The following SULF1 variants were observed in gnomAD, a reference collection of about 807,000 sequenced individuals.
SULF1 encodes the protein sulfatase 1.
SULF1 carries 46 observed loss-of-function variants against 110.5 expected under a neutral mutation model. The observed-to-expected ratio is 0.42, with a 90% CI of 0.33 to 0.53. SULF1 has a LOEUF of 0.53. Among genes scored for constraint, SULF1 ranks in the 20% least tolerant of loss-of-function variants. The pLI, the probability that SULF1 is intolerant of heterozygous loss-of-function variation, is 0.12. For synonymous variants in SULF1, 371 were observed against 387.1 expected, an observed-to-expected ratio of 0.96 and a Z score of 0.49; for missense variants, 941 against 1,094.2, an observed-to-expected ratio of 0.86 and a Z score of 1.98.
At chr8:69,584,174 G>A (rs1806281609) in intron 6 of SULF1, among the ~76,000 whole-genome samples, 2 of 152,224 alleles carry the variant, frequency 1.3e-5, no homozygotes, top group African/African-American at 4.8e-5. Context: ...AGATTAACCA[G>A]TGGCAATCGA....
chr8:69,641,032 A>G (rs1811434875), intron 22 of SULF1, 191 bp downstream of exon 22: 4 of 470,182 alleles, frequency 8.5e-6, no homozygotes, highest in Non-Finnish European at 1.5e-5. Context: ...AAATCAGCTC[A>G]CTGTCCCATC....
chr8:69,574,535 C>T (rs150095350), intron 5 of SULF1, among the ~76,000 whole-genome samples: 478 of 152,284 alleles, frequency 3.1e-3, no homozygotes, highest in Non-Finnish European at 4.3e-3. Flanking sequence ...CACATTGTTA[C>T]GTGTGCATTG....
chr8:69,551,588 C>T (rs773090944), intron 3 of SULF1, among the ~76,000 whole-genome samples: 10 of 152,102 alleles, frequency 6.6e-5, no homozygotes, highest in Non-Finnish European at 8.8e-5. Flanking sequence ...AAATAATTGG[C>T]GATTATTTTG....
rs957456132 is a variant in SULF1, at chr8:69,638,523, C to A, written c.2306C>A (p.Thr769Lys). The A allele has an allele frequency of 6.2e-7, 1 of 1,612,462 alleles. No individual in the cohort carries two copies. The highest frequency in any genetic ancestry group is 1.1e-5 in the South Asian group (1 of 90,430). Reference protein sequence around the residue: ...FWNLGSFCACTSSNNNTYWCL... With the variant: ...FWNLGSFCACKSSNNNTYWCL... ...ACAGTGGGATCTTTCTGTGCTTGCA[C>A]GAGTTCTAACAATAACACCTACTGG... The change falls in exon 20 of 23, where the codon ACG becomes AAG. Residue 769 changes from threonine (T) to lysine (K), a missense_variant. By Grantham distance (78) the Thr-to-Lys change is moderately conservative (BLOSUM62 -1). Coordinates refer to ENST00000402687, the MANE Select transcript of SULF1 (RefSeq NM_001128205.2).
chr8:69,536,048 CAA>C (rs1455304376), intron 3 of SULF1, among the ~76,000 whole-genome samples: 1 of 151,912 alleles, frequency 6.6e-6, no homozygotes, highest in African/African-American at 2.4e-5. Flanking sequence ...TCCCTGCAAG[CAA>C]TCACCAGCAC....
intron 3 of SULF1, among the ~76,000 whole-genome samples, chr8:69,503,207 T>C (rs780544725): frequency 6.6e-6 from 1 of 152,202 alleles, no homozygotes; most frequent in Non-Finnish European, 1.5e-5. Context: ...GTGAAGAAAG[T>C]GAATGGTTCA....
In SULF1 at chr8:69,548,614, A is replaced by ATTTTT. The variant is rs3059933; in HGVS notation, c.-133-14911_-133-14907dup. 7.1e-3 allele frequency among the ~76,000 whole-genome samples: 862 copies of ATTTTT among 120,864 alleles called. 19 individuals are homozygous for ATTTTT. The highest frequency in any genetic ancestry group is 0.027 in the African/African-American group (828 of 30,710). The allele number at this position is 120,864 out of a possible 152,430, so 79.3% of individuals were successfully genotyped here. A position where few individuals can be genotyped will look rare whatever the true frequency, so the allele number is the denominator to read the frequency against. On this transcript the variant is annotated intron_variant, in intron 3 of 22. Transcript: ENST00000402687. ...AGGCATGCACCACCATGCCTCGCTG[A>ATTTTT]TTTTTTTTTTTTTTTTTTGTATTTT... is the stretch of plus-strand genomic sequence containing the variant.
chr8:69,617,373 C>CTATA (rs56381958), intron 13 of SULF1, among the ~76,000 whole-genome samples: 18 of 48,922 alleles, frequency 3.7e-4, no homozygotes, highest in Non-Finnish European at 5.1e-4. Context: ...GCATGCTTAG[C>CTATA]TATATATATA....
At chr8:69,474,892 G>A (rs932634415) in intron 1 of SULF1, among the ~76,000 whole-genome samples, 1 of 152,162 alleles carries the variant, frequency 6.6e-6, no homozygotes, top group Non-Finnish European at 1.5e-5. Context: ...CAGAGAAACT[G>A]CACAAACACA....
chr8:69,468,936 A>G (rs1808970835), intron 1 of SULF1, among the ~76,000 whole-genome samples: 1 of 152,232 alleles, frequency 6.6e-6, no homozygotes, highest in Admixed American at 6.5e-5. Flanking sequence ...GGCTGCCTGG[A>G]CAGGACTTTG....
chr8:69,583,880 G>A (rs139967367), intron 6 of SULF1, among the ~76,000 whole-genome samples: 1 of 152,306 alleles, frequency 6.6e-6, no homozygotes, highest in Non-Finnish European at 1.5e-5. Context: ...GACTGTGAGT[G>A]AAATGGCATC....
intron 8 of SULF1, among the ~76,000 whole-genome samples, chr8:69,594,780 T>C (rs563293908): frequency 1.3e-5 from 2 of 152,308 alleles, no homozygotes; most frequent in South Asian, 4.1e-4. Context: ...TGTTCTTCTC[T>C]GGGTGGATCA....
chr8:69,495,269 G>C (rs753140110), intron 1 of SULF1, among the ~76,000 whole-genome samples: 3 of 152,134 alleles, frequency 2.0e-5, no homozygotes, highest in Non-Finnish European at 2.9e-5. Context: ...TGTAGTCCCA[G>C]CTACTCAGGA....
intron 8 of SULF1, among the ~76,000 whole-genome samples, chr8:69,589,706 G>A (rs372994779): frequency 6.6e-6 from 1 of 152,138 alleles, no homozygotes. Flanking sequence ...TTGGAGATGG[G>A]GGGTGGGAAG....
At chr8:69,502,690 C>CTTTTTTTTTTTTTTTTT (rs765285613) in intron 3 of SULF1, among the ~76,000 whole-genome samples, 4 of 125,910 alleles carry the variant, frequency 3.2e-5, no homozygotes, top group East Asian at 2.4e-4. Flanking sequence ...CTTTTTTTTT[C>CTTTTTTTTTTTTTTTTT]TTTTTTTTTT....
intron 3 of SULF1, among the ~76,000 whole-genome samples, chr8:69,554,026 A>G (rs1487546332): frequency 6.6e-6 from 1 of 152,212 alleles, no homozygotes; most frequent in Non-Finnish European, 1.5e-5. Flanking sequence ...ATTACTTTAG[A>G]TGACTTTAAA....
At chr8:69,489,504 TAA>T (rs937093124), upstream of SULF1, among the ~76,000 whole-genome samples, 1 of 138,910 alleles carries the variant, frequency 7.2e-6, no homozygotes. Context: ...GCCAGAGGGC[TAA>T]AAAAAAAAAA....
At chr8:69,639,081 A>G (rs565310725) in intron 21 of SULF1, among the ~76,000 whole-genome samples, 2 of 152,320 alleles carry the variant, frequency 1.3e-5, no homozygotes, top group African/African-American at 2.4e-5. Context: ...TTTCCTTCCA[A>G]TATCTCCCAC....
At chr8:69,473,562 T>G (rs1809182654) in intron 1 of SULF1, among the ~76,000 whole-genome samples, 1 of 152,232 alleles carries the variant, frequency 6.6e-6, no homozygotes, top group South Asian at 2.1e-4. Flanking sequence ...TAAAGCTGGA[T>G]GGACAATCAA....
Sources: allele counts gnomAD v4.1 joint callset (sites outside exome capture counted in the v4.1 genomes callset), GRCh38; gene constraint gnomAD v4.1.1; transcripts MANE v1.5; gene names NCBI Gene and HGNC (gene_info 2026-07-23, HGNC 2026-07-21).